HEPH: variants seen among roughly 807,000 people sequenced by gnomAD.
The protein encoded by HEPH is hephaestin.
A neutral mutation model predicts 80.8 loss-of-function variants in HEPH; 69 were observed. That is an observed-to-expected ratio of 0.85 (90% CI 0.70 to 1.04). HEPH has a LOEUF of 1.04. HEPH is among the 50% of genes least tolerant of loss of function. The pLI, the probability that HEPH is intolerant of heterozygous loss-of-function variation, is 0.00. For synonymous variants in HEPH, 431 were observed against 322.8 expected, an observed-to-expected ratio of 1.34 and a Z score of -3.60; for missense variants, 1,115 against 891.3, an observed-to-expected ratio of 1.25 and a Z score of -3.20.
chrX:66,230,021 T>A (rs757279485), intron 15 of HEPH, among the ~76,000 whole-genome samples: 5 of 100,292 alleles, frequency 5.0e-5, no homozygotes, highest in South Asian at 5.1e-4. Flanking sequence ...TGAGAATATG[T>A]GGTGTTTGGT....
intron 3 of HEPH, 119 bp downstream of exon 3, chrX:66,172,718 G>A (rs1356113632): frequency 3.9e-6 from 3 of 773,711 alleles, no homozygotes; most frequent in African/African-American, 4.2e-5. Flanking sequence ...TATCTGAGGT[G>A]GCAAAGACTC....
At chrX:66,167,718 C>CT (rs1216341183) in intron 1 of HEPH, among the ~76,000 whole-genome samples, 3 of 112,135 alleles carry the variant, frequency 2.7e-5, no homozygotes, top group Admixed American at 1.9e-4. Context: ...TGGAAGGACT[C>CT]TTTGAGAGCT....
chrX:66,221,463 G>A (rs776572391), intron 15 of HEPH, among the ~76,000 whole-genome samples: 2 of 112,591 alleles, frequency 1.8e-5, no homozygotes, highest in South Asian at 3.7e-4. Flanking sequence ...AGCATGGGGG[G>A]CCTTTATATT....
intron 15 of HEPH, among the ~76,000 whole-genome samples, chrX:66,228,867 TAAA>T (rs777837979): frequency 9.1e-6 from 1 of 110,309 alleles, no homozygotes; most frequent in Non-Finnish European, 1.9e-5. Flanking sequence ...GTCAAAAAAA[TAAA>T]AAAAAGTAAT....
Position 66,188,537 on chromosome X carries a change from G to T in HEPH, c.804G>T (p.Met268Ile). Residue 268 changes from methionine (M) to isoleucine (I), a missense_variant, in exon 5 of 21, where the codon ATG becomes ATT. Coordinates refer to ENST00000343002, the MANE Select transcript of HEPH (RefSeq NM_001367233.3). ...AGACATTTCAGGAGAGCAATAGGATGCATGGTGAGTTGGGAAAAGGTGGCC... is the reference window on the plus strand; with the variant it reads ...AGACATTTCAGGAGAGCAATAGGATTCATGGTGAGTTGGGAAAAGGTGGCC... ...EDETFQESNRMHAINGFVFGN... is the reference protein window; with the variant it reads ...EDETFQESNRIHAINGFVFGN... 5 of 1,204,291 alleles carry T rather than the reference G, an allele frequency of 4.2e-6. No individual in the cohort carries two copies. Among genetic ancestry groups the T allele is most frequent in the Non-Finnish European group, 5.6e-6 (5 of 890,788 alleles).
At chrX:66,264,517 C>T (rs771021050) in intron 20 of HEPH, among the ~76,000 whole-genome samples, 55 of 108,929 alleles carry the variant, frequency 5.0e-4, no homozygotes, top group African/African-American at 1.7e-3. Flanking sequence ...TCTGTGCAGC[C>T]CAGGTCCAAA....
chrX:66,223,680 C>G (rs1222151676), intron 15 of HEPH, among the ~76,000 whole-genome samples: 2 of 111,784 alleles, frequency 1.8e-5, no homozygotes, highest in Non-Finnish European at 3.8e-5. Flanking sequence ...TGTTTACACA[C>G]AGATTTTTTT....
chrX:66,172,430 C>G lies in HEPH; in HGVS notation c.243C>G (p.Tyr81Ter). The change falls in exon 3 of 21, where the codon TAC becomes TAG. Residue 81 changes from tyrosine (Y) to a stop codon, truncating the protein, a stop_gained. Transcript: ENST00000343002. LOFTEE classifies it high-confidence loss of function. ...GTYKKTIYKE[Y>*]KDDSYTDEVA... is the part of the protein sequence containing the mutation. ...ACAAGAAGACCATCTATAAAGAATA[C>G]AAGGATGACTCATACACAGATGAAG... The G allele has an allele frequency of 8.3e-7, 1 of 1,208,794 alleles. No homozygotes were observed.
intron 17 of HEPH, among the ~76,000 whole-genome samples, chrX:66,257,048 G>A (rs1035809109): frequency 2.7e-5 from 3 of 112,215 alleles, no homozygotes; most frequent in African/African-American, 9.7e-5. Context: ...TTTGATCTGA[G>A]AATGAGGAGC....
In HEPH at chrX:66,207,368, C is replaced by T. The variant is rs373056797; in HGVS notation, c.2431+34C>T. On this transcript the variant is annotated intron_variant, in intron 14 of 20. Transcript: ENST00000343002. Reference sequence around the variant, plus strand: ...ATTCTACTTCCCTCCTAGTGTTTAGCAGCCTGAACTCCACCTAGGGAAGCT... The same window carrying T: ...ATTCTACTTCCCTCCTAGTGTTTAGTAGCCTGAACTCCACCTAGGGAAGCT... The T allele has an allele frequency of 1.5e-4, 163 of 1,094,922 alleles. 1 individual carries two copies. Among genetic ancestry groups the T allele is most frequent in the Middle Eastern group, 2.6e-4 (1 of 3,914 alleles). 90.2% of individuals were successfully genotyped at this position (1,094,922 alleles called of 1,213,427 possible). A position where few individuals can be genotyped will look rare whatever the true frequency, so the allele number is the denominator to read the frequency against.
At chrX:66,208,461 A>T (rs1440158361) in intron 15 of HEPH, among the ~76,000 whole-genome samples, 1 of 106,208 alleles carries the variant, frequency 9.4e-6, no homozygotes, top group Non-Finnish European at 1.9e-5. Context: ...TCTACCAAAA[A>T]TACAAAAATT....
chrX:66,222,478 T>A (rs1090837), intron 15 of HEPH, among the ~76,000 whole-genome samples: 25,703 of 111,510 alleles, frequency 0.23, 2,296 homozygotes, highest in African/African-American at 0.3. Context: ...GGCATTTGCA[T>A]CTTGGTATGC....
At chrX:66,247,326 A>G (rs1247203371) in intron 15 of HEPH, among the ~76,000 whole-genome samples, 1 of 105,717 alleles carries the variant, frequency 9.5e-6, no homozygotes, top group East Asian at 2.9e-4. Flanking sequence ...GTTGTCCTAC[A>G]GGTCCCTTAT....
chrX:66,246,214 G>T (rs754104359), intron 15 of HEPH, among the ~76,000 whole-genome samples: 11 of 112,202 alleles, frequency 9.8e-5, no homozygotes, highest in Non-Finnish European at 2.1e-4. Context: ...ATAGGACTGA[G>T]TTCAGACAGA....
At chrX:66,199,369 C>CCT (rs1555991790) in intron 11 of HEPH, among the ~76,000 whole-genome samples, 1 of 110,243 alleles carries the variant, frequency 9.1e-6, no homozygotes, top group African/African-American at 3.3e-5. Context: ...GTCCCCCCCC[C>CCT]CCATACTCCA....
Position 66,210,623 on chromosome X carries a change from G to T in HEPH, c.2563+2377G>T, listed in dbSNP as rs147264993. ...AATAAATGACCATTAAGAGAGAAGG[G>T]ATACATTGGAAGTTGGGAAACCAGT... On this transcript the variant is annotated intron_variant, in intron 15 of 20. Transcript: ENST00000343002. Among the ~76,000 whole-genome samples the T allele has an allele frequency of 8.1e-3, 906 of 111,354 alleles. 13 individuals carry two copies. The highest frequency in any genetic ancestry group is 0.028 in the African/African-American group (873 of 30,718).
At chrX:66,240,809 C>A (rs2090542114) in intron 15 of HEPH, among the ~76,000 whole-genome samples, 1 of 111,906 alleles carries the variant, frequency 8.9e-6, no homozygotes, top group Admixed American at 9.5e-5. Flanking sequence ...TCCCTACATA[C>A]CTATACTACA....
upstream of HEPH, chrX:66,162,780 G>C (rs762203803): frequency 3.0e-5 from 35 of 1,152,938 alleles, no homozygotes; most frequent in East Asian, 1.3e-4. Context: ...CTCTTCCCTG[G>C]ACCCTGCTCC....
downstream of HEPH, chrX:66,268,824 T>C (rs1368336495): frequency 2.7e-5 from 3 of 111,992 alleles, no homozygotes; most frequent in Admixed American, 2.8e-4. Flanking sequence ...GACATTGCCA[T>C]CTATTCAGTT....
Sources: allele counts gnomAD v4.1 joint callset (sites outside exome capture counted in the v4.1 genomes callset), GRCh38; gene constraint gnomAD v4.1.1; transcripts MANE v1.5; gene names NCBI Gene and HGNC (gene_info 2026-07-23, HGNC 2026-07-21).